The following CNTN5 variants were observed in gnomAD, a reference collection of about 807,000 sequenced individuals.
CNTN5 encodes the protein contactin 5.
Under a neutral mutation model 129.1 loss-of-function variants are expected in CNTN5, and 77 were observed. That is an observed-to-expected ratio of 0.60 (90% CI 0.50 to 0.72). The LOEUF (loss-of-function observed/expected upper bound fraction) is 0.72. Ranked by LOEUF, CNTN5 falls within the 30% of genes least tolerant of loss-of-function variation. The pLI is 0.00. For missense variants in CNTN5, 1,478 were observed against 1,328.8 expected (o/e 1.11, Z -1.75); for synonymous variants, 509 against 465.6 (o/e 1.09, Z -1.20).
chr11:99,538,427 C>T (rs1208996355), intron 2 of CNTN5, among the ~76,000 whole-genome samples: 9 of 152,026 alleles, frequency 5.9e-5, no homozygotes, highest in African/African-American at 7.2e-5. Context: ...TGTATATTAG[C>T]GCTAATTATG....
At chr11:99,969,776 C>CTTAT (rs1951199336) in intron 8 of CNTN5, among the ~76,000 whole-genome samples, 1 of 152,136 alleles carries the variant, frequency 6.6e-6, no homozygotes, top group South Asian at 2.1e-4. Context: ...ATTCCATGTA[C>CTTAT]TTATCCATTT....
At chr11:99,577,430 G>C (rs1949392089) in intron 3 of CNTN5, among the ~76,000 whole-genome samples, 1 of 152,090 alleles carries the variant, frequency 6.6e-6, no homozygotes. Context: ...TTAATGTTTA[G>C]AGAAAGCATG....
chr11:99,863,680 A>G (rs970841677), intron 6 of CNTN5, among the ~76,000 whole-genome samples: 1 of 152,216 alleles, frequency 6.6e-6, no homozygotes, highest in Non-Finnish European at 1.5e-5. Context: ...ACTTTAGTTC[A>G]AACTATTTTC....
chr11:99,350,249 A>C (rs1283313316), intron 2 of CNTN5, among the ~76,000 whole-genome samples: 1 of 152,178 alleles, frequency 6.6e-6, no homozygotes, highest in Non-Finnish European at 1.5e-5. Flanking sequence ...GCAAATTAAC[A>C]ACGGAATGCC....
chr11:99,171,761 C>T (rs1215227779), intron 1 of CNTN5, among the ~76,000 whole-genome samples: 1 of 152,138 alleles, frequency 6.6e-6, no homozygotes, highest in Admixed American at 6.6e-5. Context: ...GTTTCCATGA[C>T]ACTTTTATTA....
chr11:99,424,457 G>A (rs758732388), intron 2 of CNTN5, among the ~76,000 whole-genome samples: 2 of 152,210 alleles, frequency 1.3e-5, no homozygotes, highest in South Asian at 2.1e-4. Context: ...GGTGTGGAGC[G>A]GCAAGGGGTG....
chr11:99,999,626 A>G lies in CNTN5; in HGVS notation c.878-2408A>G, dbSNP rs1939719644. 2.0e-5 allele frequency among the ~76,000 whole-genome samples: 3 copies of G among 152,314 alleles called. No homozygotes were observed. The South Asian group carries it at 6.2e-4, about 32-fold the overall frequency. On this transcript the variant is annotated intron_variant, in intron 8 of 24. Coordinates refer to ENST00000524871, the MANE Select transcript of CNTN5 (RefSeq NM_014361.4). ...ATTCCTCAGGGATCCAGAACTAGAAATACCATTTGACCCAGCCATCCCATT... is the reference window on the plus strand; with the variant it reads ...ATTCCTCAGGGATCCAGAACTAGAAGTACCATTTGACCCAGCCATCCCATT...
chr11:100,011,476 A>G (rs1047892023), intron 9 of CNTN5, among the ~76,000 whole-genome samples: 3 of 152,084 alleles, frequency 2.0e-5, no homozygotes, highest in African/African-American at 7.2e-5. Flanking sequence ...CATGTTTCTT[A>G]TCTTGCTCTT....
intron 1 of CNTN5, among the ~76,000 whole-genome samples, chr11:99,266,162 C>A: frequency 6.6e-6 from 1 of 151,788 alleles, no homozygotes; most frequent in Non-Finnish European, 1.5e-5. Context: ...TTCAATTGAC[C>A]AACAATTGAC....
intron 3 of CNTN5, among the ~76,000 whole-genome samples, chr11:99,810,453 A>G (rs997605957): frequency 6.6e-6 from 1 of 152,126 alleles, no homozygotes; most frequent in South Asian, 2.1e-4. Context: ...CAGTGCTTTA[A>G]AAATCGTGTA....
At chr11:99,885,042 G>A (rs1012629467) in intron 6 of CNTN5, among the ~76,000 whole-genome samples, 6 of 152,080 alleles carry the variant, frequency 3.9e-5, no homozygotes, top group Admixed American at 2.6e-4. Flanking sequence ...CAGCACTCTG[G>A]GGGGGTGAGG....
intron 1 of CNTN5, among the ~76,000 whole-genome samples, chr11:99,237,650 C>T (rs567915248): frequency 6.6e-6 from 1 of 151,596 alleles, no homozygotes; most frequent in African/African-American, 2.4e-5. Context: ...CACCGCACCC[C>T]AGCCTGATGA....
chr11:99,222,666 A>G (rs905453272), intron 1 of CNTN5, among the ~76,000 whole-genome samples: 1 of 152,192 alleles, frequency 6.6e-6, no homozygotes, highest in Non-Finnish European at 1.5e-5. Context: ...GACAATTTGT[A>G]TTAAATTTAT....
chr11:99,684,712 T>G (rs972377899), intron 3 of CNTN5, among the ~76,000 whole-genome samples: 2 of 151,862 alleles, frequency 1.3e-5, no homozygotes, highest in African/African-American at 2.4e-5. Flanking sequence ...TTCTAGAAAT[T>G]TGTCCATTTC....
chr11:99,581,260 T>G (rs1949577934), intron 3 of CNTN5, among the ~76,000 whole-genome samples: 1 of 128,952 alleles, frequency 7.8e-6, no homozygotes, highest in Non-Finnish European at 1.6e-5. Context: ...AACTATGTGG[T>G]CAATTTTGGA....
intron 1 of CNTN5, among the ~76,000 whole-genome samples, chr11:99,262,767 G>T (rs1862701884): frequency 6.6e-6 from 1 of 151,726 alleles, no homozygotes; most frequent in African/African-American, 2.4e-5. Flanking sequence ...ACGTTAAATT[G>T]AATTCTTTTA....
intron 4 of CNTN5, among the ~76,000 whole-genome samples, chr11:99,827,563 C>T (rs992002141): frequency 6.6e-6 from 1 of 152,054 alleles, no homozygotes; most frequent in African/African-American, 2.4e-5. Flanking sequence ...GAGTAAATTC[C>T]AGAAGAAACA....
intron 2 of CNTN5, among the ~76,000 whole-genome samples, chr11:99,522,828 T>A (rs916578734): frequency 6.6e-6 from 1 of 152,186 alleles, no homozygotes; most frequent in Admixed American, 6.6e-5. Context: ...TGTAATAGCC[T>A]TAACTCCTCT....
intron 1 of CNTN5, among the ~76,000 whole-genome samples, chr11:99,291,375 GATAAAC>G (rs1663672957): frequency 6.6e-6 from 1 of 151,790 alleles, no homozygotes; most frequent in South Asian, 2.1e-4. Flanking sequence ...AACACTGGTA[GATAAAC>G]ATAATATTAA....
Sources: allele counts gnomAD v4.1 joint callset (sites outside exome capture counted in the v4.1 genomes callset), GRCh38; gene constraint gnomAD v4.1.1; transcripts MANE v1.5; gene names NCBI Gene and HGNC (gene_info 2026-07-23, HGNC 2026-07-21).